SYNJ1: variants seen among roughly 807,000 people sequenced by gnomAD.
The protein encoded by SYNJ1 is polyphosphatidylinositol phosphatase SYNJ1.
SYNJ1 carries 78 observed loss-of-function variants against 168.2 expected under a neutral mutation model. That is an observed-to-expected ratio of 0.46 (90% CI 0.39 to 0.56). The LOEUF (loss-of-function observed/expected upper bound fraction) is 0.56, where lower values mean the gene tolerates loss of function less well. Among genes scored for constraint, SYNJ1 ranks in the 20% least tolerant of loss-of-function variants. SYNJ1 has a pLI of 0.00. For missense variants in SYNJ1, 1,303 were observed against 1,597.6 expected, an observed-to-expected ratio of 0.82 and a Z score of 3.14; for synonymous variants, 539 against 548.6, an observed-to-expected ratio of 0.98 and a Z score of 0.24.
intron 23 of SYNJ1, among the ~76,000 whole-genome samples, chr21:32,648,486 C>T (rs953675177): frequency 1.3e-5 from 2 of 152,248 alleles, no homozygotes; most frequent in Non-Finnish European, 2.9e-5. Context: ...CAAGACACCA[C>T]TGACTACTCC....
At chr21:32,669,285 C>G (rs2041084808) in intron 15 of SYNJ1, among the ~76,000 whole-genome samples, 2 of 151,904 alleles carry the variant, frequency 1.3e-5, no homozygotes, top group Non-Finnish European at 2.9e-5. Flanking sequence ...TTCAACTAAG[C>G]CTGTCTCTTT....
intron 2 of SYNJ1, among the ~76,000 whole-genome samples, chr21:32,716,736 C>T (rs1469498603): frequency 6.6e-6 from 1 of 152,122 alleles, no homozygotes; most frequent in African/African-American, 2.4e-5. Context: ...GTTTTTCTTC[C>T]CTACCAACTT....
chr21:32,637,955 A>G (rs545294017), intron 31 of SYNJ1, among the ~76,000 whole-genome samples: 1 of 152,364 alleles, frequency 6.6e-6, no homozygotes, highest in South Asian at 2.1e-4. Flanking sequence ...ATACCTATAT[A>G]TCTGTAAAAA....
chr21:32,669,419 G>A (rs905112022), intron 15 of SYNJ1, among the ~76,000 whole-genome samples: 1 of 152,148 alleles, frequency 6.6e-6, no homozygotes, highest in African/African-American at 2.4e-5. Context: ...ATTATTTTCT[G>A]ATGCAGTTAC....
Position 32,653,372 on chromosome 21 carries a change from A to C in SYNJ1, c.2796-6T>G. 6.2e-7 allele frequency: 1 copy of C among 1,605,970 alleles called. No individual in the cohort carries two copies. The highest frequency in any genetic ancestry group is 8.5e-7 in the Non-Finnish European group (1 of 1,172,738). ...ACATTTTATCTTCTACAAATCTTTA[A>C]GAAAAACAATAAAAAACCATAATTA... On this transcript the variant is annotated splice_region_variant and splice_polypyrimidine_tract_variant and intron_variant, in intron 21 of 32. Coordinates refer to ENST00000674351, the MANE Select transcript of SYNJ1 (RefSeq NM_203446.3).
chr21:32,641,807 C>T, intron 29 of SYNJ1, 89 bp downstream of exon 29: 1 of 918,108 alleles, frequency 1.1e-6, no homozygotes, highest in South Asian at 1.6e-5. Flanking sequence ...CTTGAAGGGT[C>T]ACATGATTTC....
intron 18 of SYNJ1, 56 bp from the exon 19 acceptor site, chr21:32,657,928 C>A (rs1270036866): frequency 7.8e-6 from 11 of 1,405,198 alleles, no homozygotes; most frequent in Non-Finnish European, 1.1e-5. Context: ...GTTCTGTTTT[C>A]ATTCAGACAG....
At chr21:32,643,900 C>G (rs1172370162) in intron 26 of SYNJ1, among the ~76,000 whole-genome samples, 2 of 152,086 alleles carry the variant, frequency 1.3e-5, no homozygotes, top group Non-Finnish European at 2.9e-5. Flanking sequence ...CTCTAATGTA[C>G]TATAATGACG....
chr21:32,703,337 C>T (rs1176959200), intron 2 of SYNJ1, among the ~76,000 whole-genome samples: 1 of 152,198 alleles, frequency 6.6e-6, no homozygotes, highest in African/African-American at 2.4e-5. Context: ...TTCTGTATTC[C>T]TTGAGTTCCT....
At chr21:32,728,205 G>A (rs946232532), upstream of SYNJ1, 9 of 779,214 alleles carry the variant, frequency 1.2e-5, no homozygotes, top group Non-Finnish European at 1.7e-5. Context: ...CCCCCAGGCA[G>A]AGCTGCGATC....
chr21:32,702,617 T>C (rs2042447307), intron 2 of SYNJ1, among the ~76,000 whole-genome samples: 1 of 152,206 alleles, frequency 6.6e-6, no homozygotes, highest in Non-Finnish European at 1.5e-5. Flanking sequence ...ATTAAAAATT[T>C]CACAAAGAAC....
chr21:32,641,090 C>G (rs2039814456), intron 29 of SYNJ1, among the ~76,000 whole-genome samples: 1 of 152,134 alleles, frequency 6.6e-6, no homozygotes, highest in African/African-American at 2.4e-5. Context: ...ACAGCTACAA[C>G]AGAAAAGACA....
At chr21:32,712,611 C>T (rs1348195294) in intron 2 of SYNJ1, among the ~76,000 whole-genome samples, 1 of 151,866 alleles carries the variant, frequency 6.6e-6, no homozygotes, top group Non-Finnish European at 1.5e-5. Flanking sequence ...TGCACCAGGC[C>T]CCTGGCAAGG....
intron 2 of SYNJ1, among the ~76,000 whole-genome samples, chr21:32,717,630 T>C (rs2043072374): frequency 6.6e-6 from 1 of 152,184 alleles, no homozygotes; most frequent in South Asian, 2.1e-4. Context: ...TCCACTCTAG[T>C]TGTTAAACAT....
chr21:32,717,280 C>T (rs372013985), intron 2 of SYNJ1, among the ~76,000 whole-genome samples: 5 of 151,898 alleles, frequency 3.3e-5, no homozygotes, highest in African/African-American at 1.2e-4. Flanking sequence ...TTTCATATCT[C>T]GTCTTAACAG....
At chr21:32,673,241 T>C in intron 14 of SYNJ1, 99 bp downstream of exon 14, 3 of 1,043,014 alleles carry the variant, frequency 2.9e-6, no homozygotes, top group Non-Finnish European at 3.9e-6. Context: ...CAAGTTTCTT[T>C]CATCAATTAA....
intron 2 of SYNJ1, 101 bp downstream of exon 2, chr21:32,726,671 G>C: frequency 2.1e-6 from 3 of 1,437,398 alleles, no homozygotes; most frequent in Non-Finnish European, 2.8e-6. Flanking sequence ...AGGAAATACA[G>C]TGAAAGGGTT....
At chr21:32,723,037 G>A (rs1264939813) in intron 2 of SYNJ1, among the ~76,000 whole-genome samples, 2 of 152,160 alleles carry the variant, frequency 1.3e-5, no homozygotes. Context: ...ATATCCAGGG[G>A]GCTAGAGCCC....
chr21:32,721,161 A>G (rs979209093), intron 2 of SYNJ1, among the ~76,000 whole-genome samples: 1 of 152,246 alleles, frequency 6.6e-6, no homozygotes, highest in Non-Finnish European at 1.5e-5. Context: ...AACTAGTCAC[A>G]GAGCTCACCT....
Sources: allele counts gnomAD v4.1 joint callset (sites outside exome capture counted in the v4.1 genomes callset), GRCh38; gene constraint gnomAD v4.1.1; transcripts MANE v1.5; gene names NCBI Gene and HGNC (gene_info 2026-07-23, HGNC 2026-07-21).